Variants in SASH1 observed in about 807,000 individuals in gnomAD.
SASH1 encodes SAM and SH3 domain-containing protein 1.
Under a neutral mutation model 125.2 loss-of-function variants are expected in SASH1, and 44 were observed. That is an observed-to-expected ratio of 0.35 (90% CI 0.28 to 0.45). The LOEUF (loss-of-function observed/expected upper bound fraction) is 0.45, where lower values mean the gene tolerates loss of function less well. SASH1 is among the 20% of genes least tolerant of loss of function. The pLI is 1.00. For missense variants in SASH1, 1,426 were observed against 1,614.5 expected, an observed-to-expected ratio of 0.88 and a Z score of 2.00; for synonymous variants, 639 against 649.1, an observed-to-expected ratio of 0.98 and a Z score of 0.24.
At chr6:148,528,493 C>G (rs1409375858) in intron 12 of SASH1, among the ~76,000 whole-genome samples, 1 of 152,218 alleles carries the variant, frequency 6.6e-6, no homozygotes, top group Non-Finnish European at 1.5e-5. Context: ...AAGCATCGCC[C>G]CTATGCGAAT....
chr6:148,542,478 C>T (rs1202974580), intron 17 of SASH1, among the ~76,000 whole-genome samples: 2 of 152,146 alleles, frequency 1.3e-5, no homozygotes, highest in East Asian at 1.9e-4. Flanking sequence ...GGTCCACCTC[C>T]CGGGTTCATG....
the SASH1 span, among the ~76,000 whole-genome samples, chr6:148,204,085 T>A: frequency 3.7e-3 from 567 of 152,340 alleles, 4 homozygotes; most frequent in African/African-American, 0.013. Flanking sequence ...ACATTCATTA[T>A]GTGTTTGTGG....
intron 12 of SASH1, among the ~76,000 whole-genome samples, chr6:148,530,287 C>T (rs1359412052): frequency 6.6e-6 from 1 of 152,084 alleles, no homozygotes; most frequent in East Asian, 1.9e-4. Context: ...ATCAGAGACC[C>T]ACATTTACTA....
rs774074338 is a variant in SASH1 at position 148,533,004 on chromosome 6, T to C, written c.1734+38T>C. The C allele has an allele frequency of 3.7e-6, 6 of 1,603,246 alleles. No homozygotes were observed. The highest frequency in any genetic ancestry group is 5.1e-6 in the Non-Finnish European group (6 of 1,171,142). On this transcript the variant is annotated intron_variant, in intron 14 of 19. Coordinates refer to ENST00000367467, the MANE Select transcript of SASH1 (RefSeq NM_015278.5). The surrounding 1 kb of genome is among the most constrained non-coding windows in gnomAD (Gnocchi z 6.2). The stretch of plus-strand genomic sequence containing the variant: ...CTGGCCTCAGAGCAGCTAACTGGGC[T>C]CTTCCATTTCTCTAGGAGGCTTTCT...
At chr6:148,363,207 A>G (rs992388276) in intron 1 of SASH1, among the ~76,000 whole-genome samples, 4 of 152,206 alleles carry the variant, frequency 2.6e-5, no homozygotes, top group African/African-American at 7.2e-5. Context: ...CCTGTCCTCA[A>G]TCCTTTGAAT....
chr6:148,317,303 C>T (rs1358112342), intron 1 of SASH1, among the ~76,000 whole-genome samples: 1 of 152,180 alleles, frequency 6.6e-6, no homozygotes, highest in Non-Finnish European at 1.5e-5. Flanking sequence ...TCATCTGTGA[C>T]ACCATGTTTA....
Position 148,495,224 on chromosome 6 carries a change from C to A in SASH1, c.729+7509C>A, listed in dbSNP as rs1428684782. On this transcript the variant is annotated intron_variant, in intron 8 of 19. Coordinates refer to ENST00000367467, the MANE Select transcript of SASH1 (RefSeq NM_015278.5). The surrounding 1 kb of genome is among the most constrained non-coding windows in gnomAD (Gnocchi z 4.0). ...AAATGGCTTAATTTCCATTATGACA[C>A]AAGAAAAGGTTAACAGTGTAATCCC... Among the ~76,000 whole-genome samples, 1 of 152,186 alleles carries A rather than the reference C, an allele frequency of 6.6e-6. No homozygotes were observed. The highest frequency in any genetic ancestry group is 6.5e-5 in the Admixed American group (1 of 15,278).
At chr6:148,420,928 C>CA (rs1785032600) in intron 2 of SASH1, among the ~76,000 whole-genome samples, 1 of 151,670 alleles carries the variant, frequency 6.6e-6, no homozygotes, top group South Asian at 2.1e-4. Context: ...TAAAAATACA[C>CA]AAAAATTAGC....
At chr6:148,404,829 C>T (rs1784314188) in intron 2 of SASH1, among the ~76,000 whole-genome samples, 1 of 145,558 alleles carries the variant, frequency 6.9e-6, no homozygotes, top group Non-Finnish European at 1.5e-5. Flanking sequence ...CCAGCCCAGG[C>T]TATGGTTGCT....
chr6:148,346,189 C>A (rs1781514205), intron 1 of SASH1, among the ~76,000 whole-genome samples: 1 of 152,102 alleles, frequency 6.6e-6, no homozygotes, highest in Admixed American at 6.6e-5. Flanking sequence ...GAGCAGTTGT[C>A]CCCCAGGGGA....
intron 8 of SASH1, among the ~76,000 whole-genome samples, chr6:148,504,705 T>TTATAGGGAGTCTAC (rs1779704925): frequency 6.6e-6 from 1 of 151,740 alleles, no homozygotes; most frequent in Non-Finnish European, 1.5e-5. Flanking sequence ...GCACCAGTAT[T>TTATAGGGAGTCTAC]TATGGGTGGG....
At chr6:148,351,946 C>G (rs976263979) in intron 1 of SASH1, among the ~76,000 whole-genome samples, 1 of 151,858 alleles carries the variant, frequency 6.6e-6, no homozygotes, top group African/African-American at 2.4e-5. Flanking sequence ...TTAAGGACCT[C>G]CTTTGTGAAA....
Position 148,462,221 on chromosome 6 carries a change from G to T in SASH1, c.387-6324G>T, listed in dbSNP as rs982754053. On this transcript the variant is annotated intron_variant, in intron 4 of 19. Transcript: ENST00000367467. ...GAACTTTGAAAATCCCTTAAGTACA[G>T]GTTTTCCAGTAACATATAGCATATG... Among the ~76,000 whole-genome samples, 11 of 151,896 alleles carry T rather than the reference G, an allele frequency of 7.2e-5. No homozygotes were observed. In the East Asian group the frequency reaches 1.9e-3, roughly 27 times the overall value.
the SASH1 span, among the ~76,000 whole-genome samples, chr6:148,260,641 G>A: frequency 6.7e-6 from 1 of 150,034 alleles, no homozygotes; most frequent in East Asian, 2.0e-4. Context: ...TTAAAATATT[G>A]CTTAAATTAT....
chr6:148,391,749 A>G (rs2114834281), intron 2 of SASH1, among the ~76,000 whole-genome samples: 1 of 152,358 alleles, frequency 6.6e-6, no homozygotes, highest in Non-Finnish European at 1.5e-5. Flanking sequence ...AAATATCATA[A>G]AAGCGTCTGC....
chr6:148,349,153 G>A (rs774727728), intron 1 of SASH1, among the ~76,000 whole-genome samples: 25 of 151,626 alleles, frequency 1.6e-4, no homozygotes, highest in Admixed American at 3.3e-4. Flanking sequence ...TGCTGGATAA[G>A]GTTTGTGGGC....
At position 148,471,716 on chromosome 6, in the gene SASH1, T is replaced by G. The variant is rs2294776; in HGVS notation, c.514+213T>G. ...GTCAAAGAAAACAAAAGGGGACAAG[T>G]TCACAGTTCTTTCCTTTCATAGATC... On this transcript the variant is annotated intron_variant, in intron 6 of 19. Coordinates refer to ENST00000367467, the MANE Select transcript of SASH1 (RefSeq NM_015278.5). Among the ~76,000 whole-genome samples, 37,744 of 152,044 alleles carry G rather than the reference T, an allele frequency of 0.25. 5,733 individuals are homozygous for G. Among genetic ancestry groups the G allele is most frequent in the East Asian group, 0.56 (2,884 of 5,168 alleles).
At chr6:148,200,373 C>T in the SASH1 span, among the ~76,000 whole-genome samples, 2 of 152,200 alleles carry the variant, frequency 1.3e-5, no homozygotes, top group African/African-American at 4.8e-5. Context: ...CTCAAGGCTG[C>T]GCTGCCTCCC....
In SASH1 at chr6:148,310,136, A is replaced by C. The variant is rs190302453; in HGVS notation, n.74+37759A>C. On this transcript the variant is annotated intron_variant and non_coding_transcript_variant, in intron 1 of 3. Coordinates refer to the SASH1 transcript ENST00000367469. ...CAGGAGTTTGAGACCAGCCTGGCTA[A>C]CGTGGTGAAACCCCGTTTCTACTAA... Among the ~76,000 whole-genome samples the C allele has an allele frequency of 2.6e-4, 39 of 152,260 alleles. No individual in the cohort carries two copies. The East Asian group carries it at 5.0e-3, about 20-fold the overall frequency.
Sources: allele counts gnomAD v4.1 joint callset (sites outside exome capture counted in the v4.1 genomes callset), GRCh38; gene constraint gnomAD v4.1.1; non-coding constraint Gnocchi (gnomAD v3.1); transcripts MANE v1.5; gene names NCBI Gene and HGNC (gene_info 2026-07-23, HGNC 2026-07-21).